Variants in LIF observed in about 807,000 individuals in gnomAD.
The protein encoded by LIF is LIF interleukin 6 family cytokine, also known as leukemia inhibitory factor.
In LIF, 9 loss-of-function variants were observed where a neutral mutation model predicts 15.0. That is an observed-to-expected ratio of 0.60 (90% CI 0.36 to 1.04). LIF has a LOEUF of 1.04. Among genes scored for constraint, LIF ranks in the 50% least tolerant of loss-of-function variants. The pLI, the probability that LIF is intolerant of heterozygous loss-of-function variation, is 0.01. For synonymous variants in LIF, 122 were observed against 119.7 expected, an observed-to-expected ratio of 1.02 and a Z score of -0.13; for missense variants, 240 against 266.7, an observed-to-expected ratio of 0.90 and a Z score of 0.70.
At chr22:30,246,430 G>A (rs1928896197) in intron 1 of LIF, 10 of 1,172,198 alleles carry the variant, frequency 8.5e-6, no homozygotes, top group Non-Finnish European at 8.5e-6. Context: ...GGGGGAAGAA[G>A]AGGAGGAGGA....
At position 30,240,824 on chromosome 22, in the gene LIF, G is replaced by A. The variant is rs761916747; in HGVS notation, c.*2827C>T. 5 of 152,398 alleles carry A rather than the reference G, an allele frequency of 3.3e-5. No homozygotes were observed. Among genetic ancestry groups the A allele is most frequent in the African/African-American group, 4.8e-5 (2 of 41,414 alleles). The allele number at this position is 152,398 out of a possible 1,614,324, so 9.4% of individuals were successfully genotyped here. On this transcript the variant is annotated 3_prime_UTR_variant, in exon 3 of 3. Transcript: ENST00000249075. ...CCAGAGCTCCAACCCCACACACTAT[G>A]TCTACTCTGGAGAGCCGGCAAGGCA...
At chr22:30,246,517 G>T (rs1177201806) in intron 1 of LIF, 160 bp downstream of exon 1, 1 of 1,290,210 alleles carries the variant, frequency 7.8e-7, no homozygotes, top group African/African-American at 1.6e-5. Flanking sequence ...GCCCGCGCTC[G>T]CTCCGGGCCG....
At chr22:30,244,393 G>A (rs545994472) in intron 2 of LIF, among the ~76,000 whole-genome samples, 6 of 152,170 alleles carry the variant, frequency 3.9e-5, no homozygotes, top group South Asian at 2.1e-4. Context: ...ACAATGTTCC[G>A]GGACGCCCCT....
At position 30,240,913 on chromosome 22, in the gene LIF, C is replaced by A. The variant is rs1466828103; in HGVS notation, c.*2738G>T. On this transcript the variant is annotated 3_prime_UTR_variant, in exon 3 of 3. Transcript: ENST00000249075. ...TCAGGGACAAGGAGGACGATGGGGA[C>A]GATGGGGAGGAGAGACAAGTAAACT... 3.3e-5 allele frequency: 5 copies of A among 152,098 alleles called. No homozygotes were observed. The highest frequency in any genetic ancestry group is 3.3e-4 in the Admixed American group (5 of 15,274). The allele number at this position is 152,098 out of a possible 1,614,324, so 9.4% of individuals were successfully genotyped here.
intron 1 of LIF, 151 bp from the exon 2 acceptor site, chr22:30,245,084 C>A: frequency 1.4e-6 from 1 of 731,484 alleles, no homozygotes; most frequent in Non-Finnish European, 2.4e-6. Flanking sequence ...GGGGCCTAGT[C>A]TTCACTCTGT....
Position 30,243,478 on chromosome 22 carries a change from TC to T in LIF, c.*172del. The T allele has an allele frequency of 1.4e-6, 1 of 729,984 alleles. No individual in the cohort carries two copies. 45.2% of individuals were successfully genotyped at this position (729,984 alleles called of 1,614,324 possible). The stretch of plus-strand genomic sequence containing the variant: ...ATGGAAGTTTCCACTCTGCTCAGCT[TC>T]ATCACAGCCCAGCCCAGAGTGGAGT... On this transcript the variant is annotated 3_prime_UTR_variant, in exon 3 of 3. Transcript: ENST00000249075. The surrounding 1 kb of genome is among the most constrained non-coding windows in gnomAD (Gnocchi z 6.0).
At chr22:30,245,469 T>C (rs1036447115) in intron 1 of LIF, among the ~76,000 whole-genome samples, 1 of 152,084 alleles carries the variant, frequency 6.6e-6, no homozygotes, top group African/African-American at 2.4e-5. Flanking sequence ...GAGTCCTCGG[T>C]TGACCCTCAT....
In LIF at chr22:30,240,806, T is replaced by G. The variant is rs1928638060; in HGVS notation, c.*2845A>C. The G allele has an allele frequency of 6.6e-6, 1 of 151,976 alleles. No homozygotes were observed. Among genetic ancestry groups the G allele is most frequent in the Non-Finnish European group, 1.5e-5 (1 of 68,078 alleles). 9.4% of individuals were successfully genotyped at this position (151,976 alleles called of 1,614,324 possible). ...ATGCTACCTCCCCGGGTGCCAGAGCTCCAACCCCACACACTATGTCTACTC... is the reference window on the plus strand; with the variant it reads ...ATGCTACCTCCCCGGGTGCCAGAGCGCCAACCCCACACACTATGTCTACTC... On this transcript the variant is annotated 3_prime_UTR_variant, in exon 3 of 3. Transcript: ENST00000249075.
In LIF at chr22:30,243,468, C is replaced by T; in HGVS notation, c.*183G>A. ...CTCCCTCCCTATGGAAGTTTCCACT[C>T]TGCTCAGCTTCATCACAGCCCAGCC... On this transcript the variant is annotated 3_prime_UTR_variant, in exon 3 of 3. Coordinates refer to ENST00000249075, the MANE Select transcript of LIF (RefSeq NM_002309.5). This position sits in a 1 kb window ranked among gnomAD's most constrained non-coding sequence, Gnocchi z 6.0. 1 of 685,420 alleles carries T rather than the reference C, an allele frequency of 1.5e-6. No homozygotes were observed. The highest frequency in any genetic ancestry group is 2.5e-6 in the Non-Finnish European group (1 of 399,210). The allele number at this position is 685,420 out of a possible 1,614,324, so 42.5% of individuals were successfully genotyped here.
At chr22:30,246,622 T>C (rs777866728) in intron 1 of LIF, 55 bp downstream of exon 1, 163 of 1,536,806 alleles carry the variant, frequency 1.1e-4, no homozygotes, top group Non-Finnish European at 1.3e-4. Flanking sequence ...CGCCCCAAGT[T>C]GCCGCCGCGC....
At position 30,246,567 on chromosome 22, in the gene LIF, G is replaced by A. The variant is rs1348069444; in HGVS notation, c.19+110C>T. On this transcript the variant is annotated intron_variant, in intron 1 of 2. Coordinates refer to ENST00000249075, the MANE Select transcript of LIF (RefSeq NM_002309.5). ...CGGTGGCTGCGCGGGCGCCCCAAGT[G>A]TTCGTGTGTCTGCGGCGGGTGGGCG... 3 of 1,486,544 alleles carry A rather than the reference G, an allele frequency of 2.0e-6. No individual in the cohort carries two copies. In the East Asian group the frequency reaches 7.9e-5, roughly 39 times the overall value. The allele number at this position is 1,486,544 out of a possible 1,614,324, so 92.1% of individuals were successfully genotyped here.
At position 30,240,542 on chromosome 22, in the gene LIF, T is replaced by C. The variant is rs1928626530; in HGVS notation, c.*3109A>G. The stretch of plus-strand genomic sequence containing the variant: ...AAAAATAAATATTTTAAATATGACA[T>C]TGAATAAATAAAAATAATCTGTCAG... On this transcript the variant is annotated 3_prime_UTR_variant, in exon 3 of 3. Transcript: ENST00000249075. 2 of 152,420 alleles carry C rather than the reference T, an allele frequency of 1.3e-5. No homozygotes were observed. The highest frequency in any genetic ancestry group is 4.1e-4 in the South Asian group (2 of 4,830). 9.4% of individuals were successfully genotyped at this position (152,420 alleles called of 1,614,324 possible).
At chr22:30,246,536 CG>C (rs1928902421) in intron 1 of LIF, 140 bp downstream of exon 1, 7 of 1,321,176 alleles carry the variant, frequency 5.3e-6, no homozygotes, top group Non-Finnish European at 4.8e-6. Context: ...CGCCACCCAG[CG>C]CCTCCGGTGG....
intron 1 of LIF, among the ~76,000 whole-genome samples, chr22:30,245,991 C>G (rs1213842780): frequency 6.6e-6 from 1 of 152,214 alleles, no homozygotes; most frequent in South Asian, 2.1e-4. Context: ...TGGTGGGGGC[C>G]GGGGTCAGCG....
rs542418899 is a variant in LIF at position 30,243,358 on chromosome 22, G to A, written c.*293C>T. The A allele has an allele frequency of 5.9e-4, 305 of 519,044 alleles. 1 individual carries two copies. Among genetic ancestry groups the A allele is most frequent in the Non-Finnish European group, 9.4e-4 (268 of 285,254 alleles). 32.2% of individuals were successfully genotyped at this position (519,044 alleles called of 1,614,324 possible). On this transcript the variant is annotated 3_prime_UTR_variant, in exon 3 of 3. Transcript: ENST00000249075. This position sits in a 1 kb window ranked among gnomAD's most constrained non-coding sequence, Gnocchi z 6.0. ...TTTGTTCACTGCACAAAGTGAGCAA[G>A]GGGCCAAAGGGACAAGTAGAGGCAG...
intron 1 of LIF, 95 bp from the exon 2 acceptor site, chr22:30,245,028 G>A: frequency 1.7e-6 from 2 of 1,198,014 alleles, no homozygotes; most frequent in East Asian, 2.5e-5. Flanking sequence ...ATGGCCGCAT[G>A]GGAGAGGACT....
rs537448423 is a variant in LIF, at chr22:30,244,874, T to G, written c.79A>C (p.Ile27Leu). 5 of 1,614,126 alleles carry G rather than the reference T, an allele frequency of 3.1e-6. No homozygotes were observed. The South Asian group carries it at 5.5e-5, about 18-fold the overall frequency. ...WKHGAGSPLP[I>L]TPVNATCAIR... ...GCACAGGTGGCGTTGACAGGGGTGA[T>G]GGGGAGGGGGCTCCCCGCCCCATGT... The change falls in exon 2 of 3, where the codon ATC (isoleucine) becomes CTC (leucine). Residue 27 changes from isoleucine (I) to leucine (L), a missense_variant. By Grantham distance (5) the Ile-to-Leu change is conservative. Transcript: ENST00000249075.
intron 2 of LIF, 33 bp downstream of exon 2, chr22:30,244,722 C>T (rs774255162): frequency 6.3e-7 from 1 of 1,595,522 alleles, no homozygotes; most frequent in South Asian, 1.1e-5. Context: ...CCCCTCCCTG[C>T]CATCTCCTGT....
At position 30,241,474 on chromosome 22, in the gene LIF, T is replaced by C. The variant is rs1928666561; in HGVS notation, c.*2177A>G. 6.5e-6 allele frequency: 1 copy of C among 152,814 alleles called. No individual in the cohort carries two copies. The highest frequency in any genetic ancestry group is 2.1e-4 in the South Asian group (1 of 4,820). The allele number at this position is 152,814 out of a possible 1,614,324, so 9.5% of individuals were successfully genotyped here. The stretch of plus-strand genomic sequence containing the variant: ...CCACATCTCAACAGCCACATCCTCG[T>C]CTTGCTGTTGGGATGGACAGATGGA... On this transcript the variant is annotated 3_prime_UTR_variant, in exon 3 of 3. Transcript: ENST00000249075. This position sits in a 1 kb window ranked among gnomAD's most constrained non-coding sequence, Gnocchi z 4.4.
Sources: allele counts gnomAD v4.1 joint callset (sites outside exome capture counted in the v4.1 genomes callset), GRCh38; gene constraint gnomAD v4.1.1; non-coding constraint Gnocchi (gnomAD v3.1); transcripts MANE v1.5; gene names NCBI Gene and HGNC (gene_info 2026-07-23, HGNC 2026-07-21).